NKAIN3: variants seen among roughly 807,000 people sequenced by gnomAD.
NKAIN3 encodes sodium/potassium transporting ATPase interacting 3, also known as sodium/potassium-transporting ATPase subunit beta-1-interacting protein 3.
Under a neutral mutation model 30.2 loss-of-function variants are expected in NKAIN3, and 25 were observed. The observed-to-expected ratio is 0.83, with a 90% CI of 0.60 to 1.16. The LOEUF is 1.16. NKAIN3 is among the 50% of genes most tolerant of loss of function. NKAIN3 has a pLI of 0.00. For missense variants in NKAIN3, 225 were observed against 254.1 expected (o/e 0.89, Z 0.78); for synonymous variants, 91 against 89.6 (o/e 1.02, Z -0.09).
At chr8:62,317,884 C>G (rs1487515690) in intron 1 of NKAIN3, among the ~76,000 whole-genome samples, 1 of 152,160 alleles carries the variant, frequency 6.6e-6, no homozygotes, top group Non-Finnish European at 1.5e-5. Context: ...GCCATTTTCA[C>G]GATATTGATT....
At chr8:62,761,414 A>G (rs1816659307) in intron 4 of NKAIN3, among the ~76,000 whole-genome samples, 1 of 152,206 alleles carries the variant, frequency 6.6e-6, no homozygotes, top group African/African-American at 2.4e-5. Context: ...AGGGTGGTTC[A>G]CAGCTGAAGG....
In NKAIN3 at chr8:62,612,538, G is replaced by GTT. The variant is rs59976833; in HGVS notation, c.273+22754_273+22755dup. ...TGTAGGCAACAGATCAATGGGTCTT[G>GTT]TTTTTTTTTTTAATCCAGTAAGTCA... On this transcript the variant is annotated intron_variant, in intron 3 of 6. Transcript: ENST00000623646. 3.2e-3 allele frequency among the ~76,000 whole-genome samples: 469 copies of GTT among 146,034 alleles called. 4 individuals are homozygous for GTT. The highest frequency in any genetic ancestry group is 0.011 in the African/African-American group (427 of 40,368).
At chr8:62,699,554 T>G (rs181167709) in intron 3 of NKAIN3, among the ~76,000 whole-genome samples, 189 of 152,298 alleles carry the variant, frequency 1.2e-3, no homozygotes, top group African/African-American at 4.4e-3. Flanking sequence ...TTTCTATCAT[T>G]TGGCAGTGAT....
chr8:62,613,454 T>C (rs1811353229), intron 3 of NKAIN3, among the ~76,000 whole-genome samples: 1 of 152,148 alleles, frequency 6.6e-6, no homozygotes, highest in African/African-American at 2.4e-5. Flanking sequence ...AATCCTTTCT[T>C]TATCCTTGAT....
intron 3 of NKAIN3, among the ~76,000 whole-genome samples, chr8:62,727,357 A>G (rs1815291433): frequency 6.6e-6 from 1 of 152,162 alleles, no homozygotes; most frequent in South Asian, 2.1e-4. Flanking sequence ...TAAGGCAGTA[A>G]GACAACAAAA....
rs1563534959 is a variant in NKAIN3, at chr8:62,729,041, A to AAAAAACAAAAC, written c.274-17886_274-17885insCAAAACAAAAA. Among the ~76,000 whole-genome samples, 221 of 73,290 alleles carry AAAAAACAAAAC rather than the reference A, an allele frequency of 3.0e-3. 13 individuals are homozygous for AAAAAACAAAAC. The highest frequency in any genetic ancestry group is 9.2e-3 in the African/African-American group (212 of 23,144). 48.1% of individuals were successfully genotyped at this position (73,290 alleles called of 152,430 possible). Reference sequence around the variant, plus strand: ...AAACAAACCAAAAAAAAAAAAAAACAAAAAAAAAAAACCTCCTGCTCTGCA... The same window carrying AAAAAACAAAAC: ...AAACAAACCAAAAAAAAAAAAAAACAAAAAACAAAACAAAAAAAAAAACCTCCTGCTCTGCA... On this transcript the variant is annotated intron_variant, in intron 3 of 6. Transcript: ENST00000623646.
intron 1 of NKAIN3, among the ~76,000 whole-genome samples, chr8:62,344,386 A>G (rs1815858483): frequency 6.6e-6 from 1 of 152,122 alleles, no homozygotes; most frequent in African/African-American, 2.4e-5. Context: ...AATTATTGTT[A>G]TCACAACAAT....
intron 4 of NKAIN3, among the ~76,000 whole-genome samples, chr8:62,771,926 T>C (rs1817026651): frequency 6.6e-6 from 1 of 152,158 alleles, no homozygotes; most frequent in African/African-American, 2.4e-5. Flanking sequence ...TCCAGCTTTA[T>C]CATTTTGGTT....
intron 4 of NKAIN3, among the ~76,000 whole-genome samples, chr8:62,859,521 A>AAAAAAAAAAAAAAAAAAAAAAAAAAT (rs67943979): frequency 6.6e-6 from 1 of 150,458 alleles, no homozygotes; most frequent in African/African-American, 2.4e-5. Context: ...AAAAAAAAAA[A>AAAAAAAAAAAAAAAAAAAAAAAAAAT]CTTCATGGAA....
intron 1 of NKAIN3, among the ~76,000 whole-genome samples, chr8:62,462,900 G>A (rs1226917350): frequency 6.6e-6 from 1 of 152,146 alleles, no homozygotes; most frequent in Non-Finnish European, 1.5e-5. Context: ...CCTTGGTGCA[G>A]TCCATTTTCA....
At chr8:62,528,330 T>TATAC (rs1808378320) in intron 1 of NKAIN3, among the ~76,000 whole-genome samples, 1 of 30,830 alleles carries the variant, frequency 3.2e-5, no homozygotes, top group Admixed American at 2.7e-4. Context: ...ATATAATATA[T>TATAC]ATATTATATA....
chr8:62,583,949 T>A (rs937651689), intron 2 of NKAIN3, among the ~76,000 whole-genome samples: 4 of 152,202 alleles, frequency 2.6e-5, no homozygotes, highest in Non-Finnish European at 5.9e-5. Context: ...GAAGGTTTTT[T>A]TTAATTCATT....
chr8:62,705,215 A>T (rs1401337816), intron 3 of NKAIN3, among the ~76,000 whole-genome samples: 6 of 152,234 alleles, frequency 3.9e-5, no homozygotes, highest in African/African-American at 1.4e-4. Flanking sequence ...ATATGAGATT[A>T]TGAACAATTT....
chr8:62,771,095 T>C (rs1222587967), intron 4 of NKAIN3, among the ~76,000 whole-genome samples: 1 of 152,128 alleles, frequency 6.6e-6, no homozygotes, highest in Non-Finnish European at 1.5e-5. Flanking sequence ...TTCAAAGTAT[T>C]AATTATCAAA....
chr8:62,357,194 G>A (rs1254657701), intron 1 of NKAIN3, among the ~76,000 whole-genome samples: 1 of 152,050 alleles, frequency 6.6e-6, no homozygotes, highest in Non-Finnish European at 1.5e-5. Flanking sequence ...GGAAACTGAG[G>A]CCAGGAGTTT....
In NKAIN3 at chr8:62,852,971, C is replaced by T. The variant is rs558654207; in HGVS notation, c.472-65482C>T. ...GAGTTCTGTAGATGCCTATTAGGTC[C>T]ACTTGGTGCAGAGCTGAGTTCAATT... On this transcript the variant is annotated intron_variant, in intron 4 of 6. Transcript: ENST00000623646. Among the ~76,000 whole-genome samples the T allele has an allele frequency of 2.0e-5, 3 of 152,170 alleles. No individual in the cohort carries two copies. The South Asian group carries it at 6.2e-4, about 32-fold the overall frequency.
intron 1 of NKAIN3, among the ~76,000 whole-genome samples, chr8:62,469,102 G>A (rs1382950153): frequency 6.6e-6 from 1 of 152,062 alleles, no homozygotes; most frequent in Non-Finnish European, 1.5e-5. Flanking sequence ...ATATGCTACT[G>A]ATTCCTTCTG....
chr8:62,843,872 A>G (rs1327789220), intron 4 of NKAIN3, among the ~76,000 whole-genome samples: 1 of 152,086 alleles, frequency 6.6e-6, no homozygotes, highest in Non-Finnish European at 1.5e-5. Flanking sequence ...TGTTCACTGC[A>G]ACCTCACTCC....
chr8:62,925,383 A>C (rs1822405218), intron 5 of NKAIN3, among the ~76,000 whole-genome samples: 1 of 152,204 alleles, frequency 6.6e-6, no homozygotes, highest in African/African-American at 2.4e-5. Flanking sequence ...CACAGGAAAA[A>C]AAATGATTAA....
Sources: allele counts gnomAD v4.1 joint callset (sites outside exome capture counted in the v4.1 genomes callset), GRCh38; gene constraint gnomAD v4.1.1; transcripts MANE v1.5; gene names NCBI Gene and HGNC (gene_info 2026-07-23, HGNC 2026-07-21).